Variants in DUSP15 observed in about 807,000 individuals in gnomAD.
DUSP15 encodes the protein dual specificity protein phosphatase 15.
A neutral mutation model predicts 26.3 loss-of-function variants in DUSP15; 23 were observed. The observed-to-expected ratio is 0.87, with a 90% CI of 0.63 to 1.24. The LOEUF is 1.24. DUSP15 is among the 50% of genes most tolerant of loss of function. DUSP15 has a pLI of 0.00. For missense variants in DUSP15, 364 were observed against 320.6 expected (o/e 1.14, Z -1.03); for synonymous variants, 143 against 135.5 (o/e 1.06, Z -0.39).
At chr20:31,845,629 TA>T, downstream of DUSP15, 1 of 1,504,772 alleles carries the variant, frequency 6.6e-7, no homozygotes, top group African/African-American at 1.4e-5. Flanking sequence ...CCAGGCTGGT[TA>T]AAAGGTCCAC....
rs758229169 is a variant in DUSP15 at position 31,864,964 on chromosome 20, A to G, written c.177T>C (p.Pro59=). The change falls in exon 4 of 7, where the codon CCT becomes CCC. Residue 59 remains proline (P), a synonymous_variant. Transcript: ENST00000339738. ...TYLRIPVADT[P]EVPIKKHFKE... is the part of the protein sequence containing the mutation. ...CCAGGGGAACTTACATGGGTACCTCAGGGGTATCAGCGACCGGGATGCGAA... is the reference window on the plus strand; with the variant it reads ...CCAGGGGAACTTACATGGGTACCTCGGGGGTATCAGCGACCGGGATGCGAA... 1.4e-5 allele frequency: 23 copies of G among 1,613,370 alleles called. No individual in the cohort carries two copies. Among genetic ancestry groups the G allele is most frequent in the Non-Finnish European group, 2.5e-6 (3 of 1,179,770 alleles).
intron 3 of DUSP15, among the ~76,000 whole-genome samples, chr20:31,866,390 G>A (rs80012447): frequency 0.019 from 2,871 of 152,306 alleles, 89 homozygotes; most frequent in Admixed American, 0.078. Flanking sequence ...TAAAGTTCCC[G>A]TTTTACAGAT....
At chr20:31,848,845 G>A (rs749788383) in exon 9 of DUSP15, 1 of 1,612,278 alleles carries the variant, frequency 6.2e-7, no homozygotes, top group East Asian at 2.2e-5. Flanking sequence ...GCTGTGTGGG[G>A]CCCGGGTCCT....
At chr20:31,858,034 G>A (rs1345421083), downstream of DUSP15, among the ~76,000 whole-genome samples, 1 of 152,174 alleles carries the variant, frequency 6.6e-6, no homozygotes, top group Non-Finnish European at 1.5e-5. The surrounding 1 kb of genome is among the most constrained non-coding windows in gnomAD (Gnocchi z 4.4). Context: ...CAGCCCTAGA[G>A]GCCAGAAAGT....
chr20:31,851,224 C>T (rs915359812), intron 6 of DUSP15, among the ~76,000 whole-genome samples: 14 of 151,676 alleles, frequency 9.2e-5, no homozygotes, highest in Middle Eastern at 3.4e-3. Flanking sequence ...GGGGTAAATG[C>T]GGAGGTGAGG....
chr20:31,864,140 C>T, intron 4 of DUSP15, 159 bp from the exon 5 acceptor site: 1 of 1,429,188 alleles, frequency 7.0e-7, no homozygotes, highest in Non-Finnish European at 9.2e-7. Flanking sequence ...TTAGTATGAG[C>T]TGGAGGTGTG....
At chr20:31,862,507 C>A in intron 6 of DUSP15, 64 bp downstream of exon 6, 2 of 1,489,832 alleles carry the variant, frequency 1.3e-6, no homozygotes, top group South Asian at 2.7e-5. Context: ...AATCAGTGAT[C>A]AGTTCGAGTG....
chr20:31,855,710 T>C (rs2062550079), intron 6 of DUSP15, among the ~76,000 whole-genome samples: 1 of 152,190 alleles, frequency 6.6e-6, no homozygotes, highest in Non-Finnish European at 1.5e-5. Context: ...ATTCAACACT[T>C]ATTGAGCACC....
chr20:31,863,793 C>G (rs1568688401), intron 5 of DUSP15, 114 bp downstream of exon 5: 6 of 1,040,064 alleles, frequency 5.8e-6, no homozygotes, highest in South Asian at 4.4e-5. Context: ...GGCACTGTGA[C>G]AGGCTGGAGA....
intron 4 of DUSP15, 110 bp downstream of exon 4, chr20:31,864,843 T>C: frequency 8.6e-7 from 1 of 1,164,718 alleles, no homozygotes; most frequent in Non-Finnish European, 1.3e-6. Context: ...GTTGAACACC[T>C]GTGATAGCTC....
intron 4 of DUSP15, 81 bp from the exon 5 acceptor site, chr20:31,864,062 A>T: frequency 6.3e-7 from 1 of 1,592,616 alleles, no homozygotes; most frequent in South Asian, 1.1e-5. Context: ...CAATTACAGG[A>T]TAGCAAGGGA....
intron 8 of DUSP15, among the ~76,000 whole-genome samples, chr20:31,849,238 G>C (rs1337705674): frequency 1.3e-5 from 2 of 151,848 alleles, no homozygotes; most frequent in African/African-American, 4.8e-5. Flanking sequence ...CACATGTACC[G>C]AAGCCCTATT....
chr20:31,850,307 T>G (rs2062448290), intron 7 of DUSP15, among the ~76,000 whole-genome samples: 1 of 152,200 alleles, frequency 6.6e-6, no homozygotes, highest in Non-Finnish European at 1.5e-5. Context: ...CGGATTCTAG[T>G]CTATCACTGC....
chr20:31,848,550 G>A (rs2062405622), exon 10 of DUSP15: 5 of 1,577,082 alleles, frequency 3.2e-6, no homozygotes, highest in South Asian at 1.1e-5. Flanking sequence ...CTCCCAGGCC[G>A]AAGCTGCACC....
At chr20:31,851,500 T>G (rs934218527) in intron 6 of DUSP15, among the ~76,000 whole-genome samples, 1 of 151,828 alleles carries the variant, frequency 6.6e-6, no homozygotes, top group Non-Finnish European at 1.5e-5. Flanking sequence ...ATGGGGTGGC[T>G]GCAGACAGGG....
chr20:31,870,640 C>T (rs2062905772), upstream of DUSP15: 1 of 1,303,524 alleles, frequency 7.7e-7, no homozygotes, highest in Non-Finnish European at 9.8e-7. The surrounding 1 kb of genome is among the most constrained non-coding windows in gnomAD (Gnocchi z 6.6). Context: ...CCCCAGTGTG[C>T]CGGGCCCACG....
intron 6 of DUSP15, among the ~76,000 whole-genome samples, chr20:31,853,768 T>TA (rs2062514163): frequency 6.6e-6 from 1 of 151,948 alleles, no homozygotes; most frequent in Non-Finnish European, 1.5e-5. Context: ...TGGCTAATAG[T>TA]AAAATATTTT....
At chr20:31,855,664 T>A (rs144033411) in intron 6 of DUSP15, among the ~76,000 whole-genome samples, 1 of 152,322 alleles carries the variant, frequency 6.6e-6, no homozygotes, top group East Asian at 1.9e-4. Flanking sequence ...TTCACGTATA[T>A]GCATACGTCT....
At chr20:31,853,882 GTGT>G (rs1300686013) in intron 6 of DUSP15, among the ~76,000 whole-genome samples, 1 of 152,152 alleles carries the variant, frequency 6.6e-6, no homozygotes, top group Non-Finnish European at 1.5e-5. Context: ...GGGATTACAG[GTGT>G]GAGTTACCGT....
Sources: gnomAD v4.1 joint callset for allele counts (sites outside exome capture counted in the v4.1 genomes callset) on GRCh38, gnomAD v4.1.1 for gene constraint, Gnocchi (gnomAD v3.1) non-coding constraint, MANE v1.5 for transcripts, NCBI Gene and HGNC (gene_info 2026-07-23, HGNC 2026-07-21) for gene names.